ZNF578: variants seen among roughly 807,000 people sequenced by gnomAD.
The protein encoded by ZNF578 is Putative chemokine-related protein B42.
A neutral mutation model predicts 8.3 loss-of-function variants in ZNF578; 8 were observed. The ratio of observed to expected loss-of-function variants is 0.96; its 90% CI spans 0.56 to 1.74. The LOEUF (loss-of-function observed/expected upper bound fraction) is 1.74, where lower values mean the gene tolerates loss of function less well. ZNF578 is among the 40% of genes most tolerant of loss of function. The pLI is 0.00. For missense variants in ZNF578, 726 were observed against 707.5 expected (o/e 1.03, Z -0.30); for synonymous variants, 206 against 232.2 (o/e 0.89, Z 1.03).
rs566929443 is a variant in ZNF578 at position 52,512,686 on chromosome 19, C to T, written c.*532C>T. Among the ~76,000 whole-genome samples the T allele has an allele frequency of 6.6e-6, 1 of 152,294 alleles. No homozygotes were observed. The highest frequency in any genetic ancestry group is 2.1e-4 in the South Asian group (1 of 4,828). ...TACTGGAGAGAAATCTTACAAATGT[C>T]ATCAGTGTGGCAAGGTCTTCAGTCC... On this transcript the variant is annotated 3_prime_UTR_variant, in exon 6 of 6. Coordinates refer to ENST00000421239, the MANE Select transcript of ZNF578 (RefSeq NM_001099694.2).
chr19:52,488,071 C>T lies in ZNF578; in HGVS notation c.-121-3253C>T, dbSNP rs565767630. On this transcript the variant is annotated intron_variant, in intron 2 of 5. Transcript: ENST00000421239. ...TCGGCTTCAAGCAATTCTACTGCCT[C>T]AGCCTCAGTAGCTGGGATTACAGGC... is the stretch of plus-strand genomic sequence containing the variant. Among the ~76,000 whole-genome samples, 198 of 152,002 alleles carry T rather than the reference C, an allele frequency of 1.3e-3. 1 individual carries two copies. Among genetic ancestry groups the T allele is most frequent in the Admixed American group, 2.8e-3 (43 of 15,274 alleles).
At chr19:52,489,421 C>T (rs1391696825) in intron 2 of ZNF578, among the ~76,000 whole-genome samples, 1 of 151,606 alleles carries the variant, frequency 6.6e-6, no homozygotes, top group Admixed American at 6.6e-5. Context: ...GAAACCTCGT[C>T]TCTATAAAAC....
Position 52,501,835 on chromosome 19 carries a change from T to A in ZNF578, c.-11T>A. The A allele has an allele frequency of 6.2e-7, 1 of 1,613,062 alleles. No homozygotes were observed. The highest frequency in any genetic ancestry group is 8.5e-7 in the Non-Finnish European group (1 of 1,179,580). The stretch of plus-strand genomic sequence containing the variant: ...TTTTCTTCCACATACAGGATTGATT[T>A]CTAAAGACTCATGTTACATGAGGAA... On this transcript the variant is annotated 5_prime_UTR_variant, in exon 4 of 6. Coordinates refer to ENST00000421239, the MANE Select transcript of ZNF578 (RefSeq NM_001099694.2).
At chr19:52,459,199 A>G (rs989566741) in intron 2 of ZNF578, among the ~76,000 whole-genome samples, 2 of 152,224 alleles carry the variant, frequency 1.3e-5, no homozygotes, top group African/African-American at 4.8e-5. Flanking sequence ...CAACATATCT[A>G]GAAGTTTTTC....
intron 2 of ZNF578, among the ~76,000 whole-genome samples, chr19:52,479,306 C>A (rs186488885): frequency 6.6e-6 from 1 of 151,772 alleles, no homozygotes; most frequent in Non-Finnish European, 1.5e-5. Flanking sequence ...GAGGCCGAGG[C>A]GGGCAGATCA....
At chr19:52,492,557 A>G (rs2122887194) in intron 3 of ZNF578, among the ~76,000 whole-genome samples, 1 of 152,260 alleles carries the variant, frequency 6.6e-6, no homozygotes, top group Admixed American at 6.5e-5. Flanking sequence ...TGCATTTCAC[A>G]TTTTAGTTTG....
At chr19:52,479,192 T>C (rs1435521232) in intron 2 of ZNF578, among the ~76,000 whole-genome samples, 1 of 152,006 alleles carries the variant, frequency 6.6e-6, no homozygotes, top group Non-Finnish European at 1.5e-5. Flanking sequence ...TCACATAAAG[T>C]TTTTCTTCAA....
Position 52,510,586 on chromosome 19 carries a change from C to A in ZNF578, c.205C>A (p.Arg69Ser). ...ATATTTTGTAGATATCTCTTCCAAA[C>A]GCATGATGAAGGAGGTCTTGTCAAC... ...NLEAVDISSK[R>S]MMKEVLSTGQ... Residue 69 changes from arginine to serine, a missense_variant, in exon 6 of 6, where the codon CGC (arginine) becomes AGC (serine). By Grantham distance (110) the Arg-to-Ser change is moderately radical. Transcript: ENST00000421239. The A allele has an allele frequency of 6.5e-7, 1 of 1,540,230 alleles. No homozygotes were observed. Among genetic ancestry groups the A allele is most frequent in the Non-Finnish European group, 8.7e-7 (1 of 1,146,908 alleles).
chr19:52,493,879 A>G (rs1206178008), intron 3 of ZNF578, among the ~76,000 whole-genome samples: 8 of 151,948 alleles, frequency 5.3e-5, no homozygotes, highest in African/African-American at 1.9e-4. Flanking sequence ...AACGCCAGCT[A>G]TTAGGGAGGC....
chr19:52,460,228 C>T (rs1007829357), intron 2 of ZNF578, among the ~76,000 whole-genome samples: 1 of 151,980 alleles, frequency 6.6e-6, no homozygotes, highest in African/African-American at 2.4e-5. Flanking sequence ...GAGGAACCCC[C>T]TTACTGACCT....
At position 52,498,303 on chromosome 19, in the gene ZNF578, C is replaced by T. The variant is rs1361151681; in HGVS notation, c.-19-3524C>T. Among the ~76,000 whole-genome samples, 12 of 150,096 alleles carry T rather than the reference C, an allele frequency of 8.0e-5. No individual in the cohort carries two copies. In the East Asian group the frequency reaches 2.4e-3, roughly 29 times the overall value. On this transcript the variant is annotated intron_variant, in intron 3 of 5. Coordinates refer to ENST00000421239, the MANE Select transcript of ZNF578 (RefSeq NM_001099694.2). The stretch of plus-strand genomic sequence containing the variant: ...TCCCGAGTAGCAGAGACTACAGGTG[C>T]CCACCACCACGCCTGGCTAATGTGT...
At chr19:52,474,265 A>T in intron 2 of ZNF578, 1 of 304,446 alleles carries the variant, frequency 3.3e-6, no homozygotes, top group Non-Finnish European at 6.7e-6. Flanking sequence ...GAATTCTTCG[A>T]TGTCATACAA....
intron 5 of ZNF578, among the ~76,000 whole-genome samples, chr19:52,505,706 G>C (rs1330074760): frequency 6.6e-6 from 1 of 152,180 alleles, no homozygotes; most frequent in African/African-American, 2.4e-5. Context: ...TTACAGGCGT[G>C]AGCCACTGCG....
chr19:52,500,446 A>T (rs1052865256), intron 3 of ZNF578, among the ~76,000 whole-genome samples: 1 of 145,428 alleles, frequency 6.9e-6, no homozygotes, highest in Non-Finnish European at 1.5e-5. Flanking sequence ...CCATTTTGTC[A>T]CCCAGGCTGG....
At chr19:52,475,453 T>C (rs1042384452) in intron 2 of ZNF578, among the ~76,000 whole-genome samples, 1 of 151,072 alleles carries the variant, frequency 6.6e-6, no homozygotes, top group African/African-American at 2.4e-5. Context: ...ACCTCCTGGG[T>C]TCAAGCAGTT....
intron 2 of ZNF578, among the ~76,000 whole-genome samples, chr19:52,480,509 G>A (rs377732111): frequency 6.6e-6 from 1 of 152,156 alleles, no homozygotes; most frequent in African/African-American, 2.4e-5. Context: ...CCAGGCAGAT[G>A]AAGCTAAATA....
intron 2 of ZNF578, among the ~76,000 whole-genome samples, chr19:52,466,583 T>C (rs1011114692): frequency 6.6e-6 from 1 of 152,222 alleles, no homozygotes; most frequent in Non-Finnish European, 1.5e-5. Flanking sequence ...TGATGAACAG[T>C]TGATACATTT....
Position 52,504,734 on chromosome 19 carries a change from T to C in ZNF578, c.143T>C (p.Leu48Ser). ...WKFLNPAQRA[L>S]YREVMLENYR... Reference sequence around the variant, plus strand: ...TTCCTGAACCCTGCGCAGAGGGCTTTGTACAGGGAAGTGATGTTGGAGAAC... The same window carrying C: ...TTCCTGAACCCTGCGCAGAGGGCTTCGTACAGGGAAGTGATGTTGGAGAAC... The change falls in exon 5 of 6, where the codon TTG becomes TCG. Residue 48 changes from leucine (L) to serine (S), a missense_variant. Coordinates refer to ENST00000421239, the MANE Select transcript of ZNF578 (RefSeq NM_001099694.2). 6.2e-7 allele frequency: 1 copy of C among 1,614,146 alleles called. No individual in the cohort carries two copies. Among genetic ancestry groups the C allele is most frequent in the East Asian group, 2.2e-5 (1 of 44,874 alleles).
At chr19:52,504,176 C>CAAG (rs77901869) in intron 4 of ZNF578, among the ~76,000 whole-genome samples, 27,673 of 151,478 alleles carry the variant, frequency 0.18, 3,122 homozygotes, top group East Asian at 0.48. Flanking sequence ...CTGCGGCCTC[C>CAAG]ATCTCCTGAC....
Sources: allele counts gnomAD v4.1 joint callset (sites outside exome capture counted in the v4.1 genomes callset), GRCh38; gene constraint gnomAD v4.1.1; transcripts MANE v1.5; gene names NCBI Gene and HGNC (gene_info 2026-07-23, HGNC 2026-07-21).